Variants in JAZF1 observed in about 807,000 individuals in gnomAD.
The protein encoded by JAZF1 is juxtaposed with another zinc finger protein 1.
JAZF1 carries 8 observed loss-of-function variants against 26.4 expected under a neutral mutation model. That is an observed-to-expected ratio of 0.30 (90% CI 0.18 to 0.55). The LOEUF is 0.55. Among genes scored for constraint, JAZF1 ranks in the 20% least tolerant of loss-of-function variants. The probability of loss-of-function intolerance (pLI) is 0.94; values close to 1 mark genes in which losing one functional copy is unlikely to be tolerated. For missense variants in JAZF1, 199 were observed against 322.0 expected (o/e 0.62, Z 2.92); for synonymous variants, 126 against 122.3 (o/e 1.03, Z -0.20).
At chr7:28,035,591 G>A (rs1026835491) in intron 1 of JAZF1, among the ~76,000 whole-genome samples, 5 of 152,106 alleles carry the variant, frequency 3.3e-5, no homozygotes, top group Non-Finnish European at 5.9e-5. Flanking sequence ...GACTGCAGGA[G>A]AGATGATTGT....
intron 1 of JAZF1, among the ~76,000 whole-genome samples, chr7:28,039,008 T>C (rs888444168): frequency 3.9e-5 from 6 of 152,316 alleles, no homozygotes; most frequent in African/African-American, 1.4e-4. Flanking sequence ...CTTAGCACAT[T>C]GATTAGACCT....
chr7:27,869,656 G>A (rs572327600), intron 3 of JAZF1, among the ~76,000 whole-genome samples: 16 of 152,266 alleles, frequency 1.1e-4, no homozygotes, highest in Middle Eastern at 3.4e-3. Context: ...GACGGGGCAG[G>A]CCAGGAAGAT....
intron 1 of JAZF1, among the ~76,000 whole-genome samples, chr7:28,069,282 G>A (rs988831847): frequency 1.3e-5 from 2 of 152,178 alleles, no homozygotes; most frequent in African/African-American, 4.8e-5. Context: ...CCAATCAGCT[G>A]TTTTCACAAT....
intron 2 of JAZF1, among the ~76,000 whole-genome samples, chr7:27,903,035 A>G (rs907606733): frequency 6.6e-6 from 1 of 151,668 alleles, no homozygotes; most frequent in African/African-American, 2.4e-5. Context: ...AAAAAAAAAA[A>G]AAAGAAGTGA....
chr7:28,121,185 CG>C (rs1490316378), intron 1 of JAZF1, among the ~76,000 whole-genome samples: 5 of 7,132 alleles, frequency 7.0e-4, no homozygotes, highest in South Asian at 3.5e-3. Context: ...GAGACTGTCT[CG>C]AAAAAAAAAG....
At chr7:28,024,251 C>T (rs534129159) in intron 1 of JAZF1, among the ~76,000 whole-genome samples, 13 of 152,150 alleles carry the variant, frequency 8.5e-5, no homozygotes, top group Admixed American at 5.2e-4. Flanking sequence ...GATGTAATCA[C>T]GCCACCACAT....
At chr7:27,994,461 A>C (rs1785972399) in intron 1 of JAZF1, among the ~76,000 whole-genome samples, 1 of 34,308 alleles carries the variant, frequency 2.9e-5, no homozygotes. Flanking sequence ...AAAACAAAAA[A>C]CAAAAAAAAA....
At chr7:28,068,559 C>A (rs904363939) in intron 1 of JAZF1, among the ~76,000 whole-genome samples, 3 of 152,108 alleles carry the variant, frequency 2.0e-5, no homozygotes, top group Non-Finnish European at 4.4e-5. Context: ...ACTCTACTGA[C>A]AAATTAAAAT....
chr7:27,937,711 CTT>C (rs1784780486), intron 2 of JAZF1, among the ~76,000 whole-genome samples: 2 of 152,154 alleles, frequency 1.3e-5, no homozygotes, highest in African/African-American at 4.8e-5. Flanking sequence ...TATGAAAAAG[CTT>C]TATATTCCAT....
chr7:28,039,126 T>C (rs1209259640), intron 1 of JAZF1, among the ~76,000 whole-genome samples: 1 of 152,182 alleles, frequency 6.6e-6, no homozygotes, highest in Non-Finnish European at 1.5e-5. Context: ...GAACGTAAGC[T>C]CATAGCATCT....
intron 1 of JAZF1, among the ~76,000 whole-genome samples, chr7:28,160,696 G>A (rs1243354824): frequency 6.6e-6 from 1 of 152,148 alleles, no homozygotes; most frequent in African/African-American, 2.4e-5. Context: ...TTTTAGGAAG[G>A]TCACGATATA....
chr7:27,930,184 A>G (rs184512223), intron 2 of JAZF1, among the ~76,000 whole-genome samples: 2,736 of 152,144 alleles, frequency 0.018, 75 homozygotes, highest in African/African-American at 0.055. Flanking sequence ...TTTAGTAGAG[A>G]CAGGGTTTCA....
chr7:27,885,471 TAAC>T (rs1376516688), intron 3 of JAZF1, among the ~76,000 whole-genome samples: 1 of 152,270 alleles, frequency 6.6e-6, no homozygotes, highest in African/African-American at 2.4e-5. Flanking sequence ...TCTGTGTTAA[TAAC>T]AACAGTGTCA....
intron 1 of JAZF1, among the ~76,000 whole-genome samples, chr7:28,142,977 C>T (rs951472221): frequency 6.6e-6 from 1 of 152,190 alleles, no homozygotes; most frequent in Admixed American, 6.5e-5. Context: ...GAGCATTGTA[C>T]TGGGAGTCAG....
chr7:27,932,440 GAC>G (rs1366920112), intron 2 of JAZF1, among the ~76,000 whole-genome samples: 2 of 152,186 alleles, frequency 1.3e-5, no homozygotes, highest in Non-Finnish European at 2.9e-5. Context: ...TAAAGCCACA[GAC>G]ACAGTCATCC....
intron 1 of JAZF1, among the ~76,000 whole-genome samples, chr7:28,162,419 C>G (rs1783307139): frequency 6.6e-6 from 1 of 152,218 alleles, no homozygotes. Flanking sequence ...CAGCTTCTAC[C>G]TTATGTGAAA....
intron 1 of JAZF1, among the ~76,000 whole-genome samples, chr7:28,176,622 C>T (rs1783555648): frequency 6.6e-6 from 1 of 152,106 alleles, no homozygotes; most frequent in South Asian, 2.1e-4. Flanking sequence ...TATAAACTTC[C>T]TAAAGAGTGA....
chr7:27,890,567 A>G (rs1269210558), intron 3 of JAZF1, among the ~76,000 whole-genome samples: 1 of 152,210 alleles, frequency 6.6e-6, no homozygotes, highest in Non-Finnish European at 1.5e-5. Flanking sequence ...TATACTGGAA[A>G]GAGCTTATTC....
At chr7:27,833,663 A>T (rs1782753542) in intron 4 of JAZF1, among the ~76,000 whole-genome samples, 1 of 152,258 alleles carries the variant, frequency 6.6e-6, no homozygotes, top group Non-Finnish European at 1.5e-5. Flanking sequence ...AATGAACTTT[A>T]AAAATTTAAG....
Sources: allele counts gnomAD v4.1 joint callset (sites outside exome capture counted in the v4.1 genomes callset), GRCh38; gene constraint gnomAD v4.1.1; transcripts MANE v1.5; gene names NCBI Gene and HGNC (gene_info 2026-07-23, HGNC 2026-07-21).